Variants in GRM8 observed in about 807,000 individuals in gnomAD.
GRM8 encodes the protein metabotropic glutamate receptor 8.
Under a neutral mutation model 87.2 loss-of-function variants are expected in GRM8, and 47 were observed. That is an observed-to-expected ratio of 0.54 (90% CI 0.43 to 0.69). GRM8 has a LOEUF of 0.69. GRM8 is among the 30% of genes least tolerant of loss of function. GRM8 has a pLI of 0.00. For synonymous variants in GRM8, 396 were observed against 404.5 expected (o/e 0.98, Z 0.25); for missense variants, 1,019 against 1,139.2 (o/e 0.89, Z 1.52).
chr7:126,484,679 A>T (rs1374627123), intron 9 of GRM8, among the ~76,000 whole-genome samples: 2 of 152,070 alleles, frequency 1.3e-5, no homozygotes, highest in Non-Finnish European at 2.9e-5. Context: ...GATTTTTTTT[A>T]AAGTTATGCT....
chr7:126,462,216 A>G (rs1175353383), intron 9 of GRM8, among the ~76,000 whole-genome samples: 1 of 150,850 alleles, frequency 6.6e-6, no homozygotes, highest in Non-Finnish European at 1.5e-5. Flanking sequence ...TAGGTATTAA[A>G]TAGGGTAACT....
At chr7:126,940,013 A>T (rs1280459593) in intron 3 of GRM8, among the ~76,000 whole-genome samples, 1 of 152,236 alleles carries the variant, frequency 6.6e-6, no homozygotes, top group Non-Finnish European at 1.5e-5. Flanking sequence ...GATTGGGACA[A>T]TCAGTGTAAT....
chr7:127,064,158 G>A (rs1820880500), intron 3 of GRM8, among the ~76,000 whole-genome samples: 1 of 152,174 alleles, frequency 6.6e-6, no homozygotes, highest in Non-Finnish European at 1.5e-5. Context: ...CCAATGTTGA[G>A]TTTAGGTCTT....
chr7:127,029,027 T>C (rs1817091664), intron 3 of GRM8, among the ~76,000 whole-genome samples: 1 of 152,216 alleles, frequency 6.6e-6, no homozygotes, highest in African/African-American at 2.4e-5. Context: ...GAGATTCTGG[T>C]ACGTTGTGTC....
intron 3 of GRM8, among the ~76,000 whole-genome samples, chr7:127,013,080 C>T (rs533176833): frequency 2.0e-5 from 3 of 152,148 alleles, no homozygotes; most frequent in Non-Finnish European, 4.4e-5. Flanking sequence ...GATAATGATC[C>T]TTGTGGTTGA....
chr7:127,145,079 C>T lies in GRM8; in HGVS notation c.511-38367G>A, dbSNP rs17869622. Among the ~76,000 whole-genome samples the T allele has an allele frequency of 7.6e-4, 115 of 152,146 alleles. 1 individual carries two copies. Among genetic ancestry groups the T allele is most frequent in the African/African-American group, 2.6e-3 (110 of 41,522 alleles). On this transcript the variant is annotated intron_variant, in intron 2 of 10. Coordinates refer to ENST00000339582, the MANE Select transcript of GRM8 (RefSeq NM_000845.3). ...AAGTCAACATATTAAGTATTGTGCA[C>T]ACACAAATGTACTCAATTAACATTT...
At chr7:126,746,500 G>C (rs1188096792) in intron 7 of GRM8, among the ~76,000 whole-genome samples, 1 of 151,476 alleles carries the variant, frequency 6.6e-6, no homozygotes, top group African/African-American at 2.4e-5. Context: ...GTAACAAAAA[G>C]CAAAATTTAA....
intron 2 of GRM8, among the ~76,000 whole-genome samples, chr7:127,240,719 G>C (rs1354237273): frequency 6.6e-6 from 1 of 152,074 alleles, no homozygotes; most frequent in Non-Finnish European, 1.5e-5. Context: ...AGGTGAGGAG[G>C]GAGTTCAAAT....
intron 10 of GRM8, among the ~76,000 whole-genome samples, chr7:126,440,451 G>C (rs1186860921): frequency 4.8e-5 from 7 of 145,568 alleles, no homozygotes; most frequent in African/African-American, 1.8e-4. Flanking sequence ...GTACTGCCAT[G>C]TCCTAGGACT....
intron 7 of GRM8, among the ~76,000 whole-genome samples, chr7:126,660,320 G>A (rs1805016391): frequency 6.6e-6 from 1 of 152,138 alleles, no homozygotes; most frequent in African/African-American, 2.4e-5. Flanking sequence ...TCACAGAGCA[G>A]TTAAAAGTAG....
At chr7:126,493,283 G>A (rs1420666718) in intron 9 of GRM8, among the ~76,000 whole-genome samples, 1 of 152,014 alleles carries the variant, frequency 6.6e-6, no homozygotes, top group African/African-American at 2.4e-5. Context: ...AGGAGAGACT[G>A]GGGTCACTGT....
chr7:126,991,408 C>T (rs369807801), intron 3 of GRM8, among the ~76,000 whole-genome samples: 9 of 152,118 alleles, frequency 5.9e-5, no homozygotes, highest in Admixed American at 2.6e-4. Context: ...AGACTGTGTT[C>T]CGAAGCCTAG....
intron 9 of GRM8, among the ~76,000 whole-genome samples, chr7:126,515,892 G>C (rs1201541177): frequency 6.6e-6 from 1 of 151,926 alleles, no homozygotes; most frequent in Admixed American, 6.6e-5. Flanking sequence ...CACAGGTTCT[G>C]GTGATTAGAA....
At chr7:126,588,451 G>A (rs938074724) in intron 8 of GRM8, among the ~76,000 whole-genome samples, 5 of 152,128 alleles carry the variant, frequency 3.3e-5, no homozygotes, top group Non-Finnish European at 7.4e-5. Flanking sequence ...CTCATTACTG[G>A]ACATATGCCC....
At chr7:126,677,367 A>G (rs1382380179) in intron 7 of GRM8, among the ~76,000 whole-genome samples, 1 of 151,878 alleles carries the variant, frequency 6.6e-6, no homozygotes, top group Non-Finnish European at 1.5e-5. Context: ...ACCCAAAAAA[A>G]AAAAAAAAGC....
intron 3 of GRM8, among the ~76,000 whole-genome samples, chr7:126,976,526 G>A (rs186929152): frequency 2.5e-4 from 38 of 152,160 alleles, no homozygotes; most frequent in Admixed American, 1.1e-3. Flanking sequence ...CCTAGGAGGC[G>A]GAGCTTGCAG....
chr7:126,900,471 G>C (rs1191022051), intron 6 of GRM8, among the ~76,000 whole-genome samples: 1 of 146,892 alleles, frequency 6.8e-6, no homozygotes, highest in African/African-American at 2.6e-5. Flanking sequence ...TCTGTCCTGT[G>C]TGTTACATCC....
At chr7:127,112,838 C>T (rs1416471301) in intron 2 of GRM8, among the ~76,000 whole-genome samples, 1 of 152,190 alleles carries the variant, frequency 6.6e-6, no homozygotes, top group Non-Finnish European at 1.5e-5. Context: ...ACTACCTTGG[C>T]AAACACCTTG....
intron 3 of GRM8, among the ~76,000 whole-genome samples, chr7:126,926,164 G>C (rs569489977): frequency 6.6e-6 from 1 of 151,976 alleles, no homozygotes; most frequent in Non-Finnish European, 1.5e-5. Context: ...AATGTTACCC[G>C]TATTATATTT....
Sources: gnomAD v4.1 joint callset for allele counts (sites outside exome capture counted in the v4.1 genomes callset) on GRCh38, gnomAD v4.1.1 for gene constraint, MANE v1.5 for transcripts, NCBI Gene and HGNC (gene_info 2026-07-23, HGNC 2026-07-21) for gene names.